The following NAV3 variants were observed in gnomAD, a reference collection of about 807,000 sequenced individuals.
NAV3 encodes neuron navigator 3.
A neutral mutation model predicts 244.7 loss-of-function variants in NAV3; 87 were observed. The ratio of observed to expected loss-of-function variants is 0.36; its 90% CI spans 0.30 to 0.42. NAV3 has a LOEUF of 0.42. NAV3 is among the 20% of genes least tolerant of loss of function. NAV3 has a pLI of 1.00. For missense variants in NAV3, 2,663 were observed against 2,893.3 expected (o/e 0.92, Z 1.83); for synonymous variants, 1,126 against 1,042.2 (o/e 1.08, Z -1.55).
chr12:77,908,758 T>C (rs1428043507), intron 1 of NAV3, among the ~76,000 whole-genome samples: 1 of 152,104 alleles, frequency 6.6e-6, no homozygotes, highest in Admixed American at 6.6e-5. Context: ...TCAACCCTTC[T>C]AAGAAATTTT....
chr12:77,849,919 G>A (rs957039800), intron 1 of NAV3, among the ~76,000 whole-genome samples: 1 of 152,096 alleles, frequency 6.6e-6, no homozygotes, highest in Non-Finnish European at 1.5e-5. Flanking sequence ...TAAGACAAGT[G>A]TCTCCTTTTT....
At chr12:77,931,431 T>C (rs182053429) in intron 1 of NAV3, among the ~76,000 whole-genome samples, 1 of 152,106 alleles carries the variant, frequency 6.6e-6, no homozygotes, top group Admixed American at 6.5e-5. Context: ...TCCCTGAAGT[T>C]CTCTTATGCT....
intron 1 of NAV3, among the ~76,000 whole-genome samples, chr12:77,878,189 C>G (rs1487259318): frequency 6.6e-6 from 1 of 151,942 alleles, no homozygotes; most frequent in African/African-American, 2.4e-5. Flanking sequence ...CTCAGGAAAT[C>G]TGAATGAGAT....
intron 2 of NAV3, among the ~76,000 whole-genome samples, chr12:77,766,237 A>G (rs1021701769): frequency 7.9e-5 from 12 of 152,354 alleles, no homozygotes; most frequent in African/African-American, 2.6e-4. Context: ...GAAACAGGAA[A>G]TAGAAGAAAT....
Position 77,766,954 on chromosome 12 carries a change from G to A in NAV3, c.73-173365G>A, listed in dbSNP as rs144322232. Among the ~76,000 whole-genome samples the A allele has an allele frequency of 2.4e-4, 37 of 151,878 alleles. No individual in the cohort carries two copies. In the East Asian group the frequency reaches 7.2e-3, roughly 30 times the overall value. The stretch of plus-strand genomic sequence containing the variant: ...ATTTTAGTAGAGACAGGGTTTCACA[G>A]TGTTGGCCAGACTAGTCTCAAACTC... On this transcript the variant is annotated intron_variant, in intron 2 of 8. Coordinates refer to the NAV3 transcript ENST00000550042.
At chr12:77,865,113 A>G (rs370461436) in intron 1 of NAV3, among the ~76,000 whole-genome samples, 2 of 152,140 alleles carry the variant, frequency 1.3e-5, no homozygotes, top group African/African-American at 4.8e-5. Context: ...CAGGTAAAAT[A>G]TAAATAGTGG....
chr12:78,168,168 G>A (rs1957856625), intron 23 of NAV3, among the ~76,000 whole-genome samples: 1 of 151,586 alleles, frequency 6.6e-6, no homozygotes, highest in Non-Finnish European at 1.5e-5. Flanking sequence ...TTTACTGAAT[G>A]AAAAAGTATC....
chr12:77,859,618 T>TTAA (rs112877987), intron 1 of NAV3, among the ~76,000 whole-genome samples: 1,653 of 136,534 alleles, frequency 0.012, 36 homozygotes, highest in African/African-American at 0.044. Context: ...TAAAGTGTAA[T>TTAA]AAAAAAAAAA....
At chr12:77,933,353 A>ATGT (rs1410912560) in intron 1 of NAV3, among the ~76,000 whole-genome samples, 2 of 152,178 alleles carry the variant, frequency 1.3e-5, no homozygotes, top group African/African-American at 4.8e-5. Context: ...GGGTGAAGAG[A>ATGT]TGTTAGGGAG....
intron 9 of NAV3, chr12:78,036,994 G>T (rs1433168468): frequency 7.1e-6 from 5 of 702,818 alleles, no homozygotes; most frequent in African/African-American, 3.5e-5. Flanking sequence ...CCCACGGTGC[G>T]CATTTCCAAC....
chr12:77,938,037 G>T (rs1255311283), intron 1 of NAV3, among the ~76,000 whole-genome samples: 2 of 152,108 alleles, frequency 1.3e-5, no homozygotes, highest in African/African-American at 4.8e-5. Flanking sequence ...GTAGTAAGTG[G>T]TCTCAAGTCA....
At chr12:78,179,429 C>T in intron 28 of NAV3, 100 bp from the exon 29 acceptor site, 1 of 1,406,522 alleles carries the variant, frequency 7.1e-7, no homozygotes, top group Non-Finnish European at 9.8e-7. Context: ...CATATCTGTA[C>T]CTGCTGGAGA....
rs1958679489 is a variant in NAV3 at position 78,185,612 on chromosome 12, G to C, written c.5704G>C (p.Asp1902His). The C allele has an allele frequency of 6.2e-7, 1 of 1,607,950 alleles. No individual in the cohort carries two copies. Among genetic ancestry groups the C allele is most frequent in the Middle Eastern group, 2.2e-4 (1 of 4,518 alleles). Residue 1902 changes from aspartate to histidine, a missense_variant, in exon 31 of 40, where the codon GAT becomes CAT. Transcript: ENST00000397909. ...TEAVSSDILLDDAGDATGHKD... is the reference protein window; with the variant it reads ...TEAVSSDILLHDAGDATGHKD... ...TTAAAATTTGATAGATATTTTGCTA[G>C]ATGATGCTGGTGATGCAACTGGACA...
At chr12:77,895,933 G>T (rs1592927964) in intron 1 of NAV3, among the ~76,000 whole-genome samples, 1 of 120,646 alleles carries the variant, frequency 8.3e-6, no homozygotes, top group Admixed American at 1.0e-4. Flanking sequence ...CATTTAGACT[G>T]CCTTTTGATC....
chr12:77,600,817 G>T (rs41343144), intron 2 of NAV3, among the ~76,000 whole-genome samples: 7,892 of 152,002 alleles, frequency 0.052, 244 homozygotes, highest in Middle Eastern at 0.078. Context: ...CAGACATTGG[G>T]CTCTGGCTCC....
At chr12:77,979,698 C>T (rs12302492) in intron 5 of NAV3, among the ~76,000 whole-genome samples, 10 of 76,658 alleles carry the variant, frequency 1.3e-4, no homozygotes, top group African/African-American at 3.5e-4. Context: ...AGATGTGAAA[C>T]GAAAAAAAAA....
chr12:77,939,960 T>A (rs1297790948), intron 1 of NAV3, among the ~76,000 whole-genome samples: 1 of 152,192 alleles, frequency 6.6e-6, no homozygotes, highest in South Asian at 2.1e-4. Context: ...CCAGGTGGGT[T>A]TCTTTTACAT....
At chr12:78,155,891 A>T (rs1957285375) in intron 22 of NAV3, among the ~76,000 whole-genome samples, 1 of 152,032 alleles carries the variant, frequency 6.6e-6, no homozygotes, top group Admixed American at 6.6e-5. Context: ...TGTAGACTCT[A>T]GATATTAGAC....
At position 78,128,862 on chromosome 12, in the gene NAV3, C is replaced by T; in HGVS notation, c.4437C>T (p.Asn1479=). Residue 1479 remains asparagine (N), a synonymous_variant, in exon 18 of 40, where the codon AAC becomes AAT. Transcript: ENST00000397909. Reference sequence around the variant, plus strand: ...CAGCTGGAAAATACCACTTTTCTAACTTGGGTAAAATATTCTAAAATATTG... The same window carrying T: ...CAGCTGGAAAATACCACTTTTCTAATTTGGGTAAAATATTCTAAAATATTG... ...SSAAGKYHFS[N]LVSPTNLSQF... 2 of 1,612,990 alleles carry T rather than the reference C, an allele frequency of 1.2e-6. No individual in the cohort carries two copies. The highest frequency in any genetic ancestry group is 1.7e-6 in the Non-Finnish European group (2 of 1,179,616).
Sources: allele counts gnomAD v4.1 joint callset (sites outside exome capture counted in the v4.1 genomes callset), GRCh38; gene constraint gnomAD v4.1.1; transcripts MANE v1.5; gene names NCBI Gene and HGNC (gene_info 2026-07-23, HGNC 2026-07-21).